CRIP2: variants seen among roughly 807,000 people sequenced by gnomAD.
The protein encoded by CRIP2 is cysteine rich protein 2.
A neutral mutation model predicts 31.3 loss-of-function variants in CRIP2; 31 were observed. The observed-to-expected ratio is 0.99, with a 90% CI of 0.74 to 1.34. CRIP2 has a LOEUF of 1.34. CRIP2 is among the 40% of genes most tolerant of loss of function. CRIP2 has a pLI of 0.00. For missense variants in CRIP2, 389 were observed against 301.6 expected, an observed-to-expected ratio of 1.29 and a Z score of -2.15; for synonymous variants, 177 against 127.2, an observed-to-expected ratio of 1.39 and a Z score of -2.63.
At chr14:105,476,240 C>G (rs1200441895) in intron 1 of CRIP2, 19 of 985,354 alleles carry the variant, frequency 1.9e-5, no homozygotes, top group Non-Finnish European at 2.2e-5. Context: ...AGGGTCTCGG[C>G]CAACAGTCCT....
intron 1 of CRIP2, chr14:105,477,109 G>C (rs948751263): frequency 1.1e-5 from 3 of 282,708 alleles, no homozygotes; most frequent in Non-Finnish European, 1.6e-5. Flanking sequence ...GGCCCAGCCT[G>C]CATGCTCCCT....
rs202088808 is a variant in CRIP2 at position 105,479,183 on chromosome 14, C to G, written c.465C>G (p.Arg155=). 4 of 1,611,556 alleles carry G rather than the reference C, an allele frequency of 2.5e-6. No homozygotes were observed. The highest frequency in any genetic ancestry group is 2.2e-5 in the East Asian group (1 of 44,824). The change falls in exon 6 of 8, where the codon CGC becomes CGG. Residue 155 remains arginine, a synonymous_variant. Transcript: ENST00000329146. The stretch of plus-strand genomic sequence containing the variant: ...ACCGGCCCTGCCTGCGCTGCGAGCG[C>G]TGCGGGAAGACACTGACCCCCGGCG... ...DWHRPCLRCE[R]CGKTLTPGGH...
chr14:105,479,444 C>T lies in CRIP2; in HGVS notation c.510C>T (p.Gly170=), dbSNP rs368608563. 47 of 1,612,714 alleles carry T rather than the reference C, an allele frequency of 2.9e-5. No homozygotes were observed. Among genetic ancestry groups the T allele is most frequent in the Non-Finnish European group, 3.9e-5 (46 of 1,179,976 alleles). The change falls in exon 7 of 8, where the codon GGC becomes GGT. Residue 170 remains glycine, a synonymous_variant. Transcript: ENST00000329146. The stretch of plus-strand genomic sequence containing the variant: ...CCCACCTTCTGCCCCAGCACGACGG[C>T]CAGCCCTACTGCCACAAGCCCTGCT... ...LTPGGHAEHD[G]QPYCHKPCYG... is the part of the protein sequence containing the mutation.
intron 6 of CRIP2, 21 bp downstream of exon 6, chr14:105,479,240 C>T (rs782160175): frequency 3.3e-6 from 5 of 1,521,656 alleles, no homozygotes; most frequent in Non-Finnish European, 3.6e-6. Flanking sequence ...TGCAACGGGG[C>T]TTGGGGGCCG....
rs587625819 is a variant in CRIP2, at chr14:105,478,775, C to A, written c.241C>A (p.Leu81Met). 16 of 1,432,286 alleles carry A rather than the reference C, an allele frequency of 1.1e-5. No homozygotes were observed. In the East Asian group the frequency reaches 3.6e-4, roughly 32 times the overall value. 88.7% of individuals were successfully genotyped at this position (1,432,286 alleles called of 1,614,324 possible). A position where few individuals can be genotyped will look rare whatever the true frequency, so the allele number is the denominator to read the frequency against. ...GGGCTCCTACATCTACGAGAAGCCCCTGGCGGAGGGGCCGCAGGTCACCGG... is the reference window on the plus strand; with the variant it reads ...GGGCTCCTACATCTACGAGAAGCCCATGGCGGAGGGGCCGCAGGTCACCGG... ...GAGSYIYEKPLAEGPQVTGPI... is the reference protein window; with the variant it reads ...GAGSYIYEKPMAEGPQVTGPI... Residue 81 changes from leucine to methionine, a missense_variant, in exon 4 of 8, where the codon CTG (leucine) becomes ATG (methionine). Transcript: ENST00000329146. This position sits in a 1 kb window ranked among gnomAD's most constrained non-coding sequence, Gnocchi z 4.9.
rs1353223502 is a variant in CRIP2 at position 105,476,153 on chromosome 14, C to T, written c.43+1248C>T. Reference sequence around the variant, plus strand: ...TCTCTGTAAGGCTTAGGGTGGGAGACGGTCCCCAGGGCCCTTCTGCAGTCC... The same window carrying T: ...TCTCTGTAAGGCTTAGGGTGGGAGATGGTCCCCAGGGCCCTTCTGCAGTCC... On this transcript the variant is annotated intron_variant, in intron 1 of 7. Coordinates refer to ENST00000329146, the MANE Select transcript of CRIP2 (RefSeq NM_001312.4). 8.1e-6 allele frequency: 8 copies of T among 985,320 alleles called. No homozygotes were observed. The South Asian group carries it at 1.9e-4, about 23-fold the overall frequency. 61.0% of individuals were successfully genotyped at this position (985,320 alleles called of 1,614,324 possible). A position where few individuals can be genotyped will look rare whatever the true frequency, so the allele number is the denominator to read the frequency against.
chr14:105,473,075 GA>G, upstream of CRIP2: 2 of 703,110 alleles, frequency 2.8e-6, no homozygotes, highest in African/African-American at 1.8e-5. Context: ...CAAAGTCAGG[GA>G]GGGTAATGGC....
chr14:105,478,943 C>G lies in CRIP2; in HGVS notation c.338-36C>G, dbSNP rs2084019357. The G allele has an allele frequency of 3.9e-6, 6 of 1,535,070 alleles. No individual in the cohort carries two copies. The highest frequency in any genetic ancestry group is 5.2e-6 in the Non-Finnish European group (6 of 1,145,958). ...CTGGGGCTGGGGGTTGTGGGCACCC[C>G]CGGCCCCGCCCCGCCCTGACTCGTG... On this transcript the variant is annotated intron_variant, in intron 4 of 7. Transcript: ENST00000329146. This position sits in a 1 kb window ranked among gnomAD's most constrained non-coding sequence, Gnocchi z 4.9.
intron 1 of CRIP2, chr14:105,476,143 G>C (rs782148549): frequency 3.0e-6 from 3 of 985,498 alleles, no homozygotes; most frequent in Non-Finnish European, 1.2e-6. Context: ...GTAAGGCTTA[G>C]GGTGGGAGAC....
chr14:105,475,990 A>T, intron 1 of CRIP2: 1 of 985,134 alleles, frequency 1.0e-6, no homozygotes. Flanking sequence ...GGTTGAGGGG[A>T]GGTTGTATTT....
At chr14:105,474,003 C>T (rs2083883381), upstream of CRIP2, 1 of 162,454 alleles carries the variant, frequency 6.2e-6, no homozygotes, top group African/African-American at 2.4e-5. The surrounding 1 kb of genome is among the most constrained non-coding windows in gnomAD (Gnocchi z 5.1). Context: ...TCCCCGGCCG[C>T]CCCCTGGGTG....
intron 5 of CRIP2, 29 bp downstream of exon 5, chr14:105,479,076 C>T: frequency 1.3e-6 from 2 of 1,570,268 alleles, no homozygotes; most frequent in Non-Finnish European, 1.7e-6. Flanking sequence ...CCCGGACCCC[C>T]GCCCCCGCCC....
chr14:105,476,776 G>A (rs911700892), intron 1 of CRIP2: 2 of 985,356 alleles, frequency 2.0e-6, no homozygotes, highest in South Asian at 4.7e-5. Flanking sequence ...GAGTGGTTCT[G>A]GTCAGAGGGC....
At position 105,478,577 on chromosome 14, in the gene CRIP2, G is replaced by T; in HGVS notation, c.196+70G>T. The T allele has an allele frequency of 6.4e-7, 1 of 1,551,178 alleles. No individual in the cohort carries two copies. Among genetic ancestry groups the T allele is most frequent in the Non-Finnish European group, 8.7e-7 (1 of 1,149,472 alleles). ...GGGCGTGGCGCTGGCGCTGGGGAGG[G>T]CTGGGGGTCCCGGCCGCCGTGGATC... On this transcript the variant is annotated intron_variant, in intron 3 of 7. Coordinates refer to ENST00000329146, the MANE Select transcript of CRIP2 (RefSeq NM_001312.4). This position sits in a 1 kb window ranked among gnomAD's most constrained non-coding sequence, Gnocchi z 4.9.
In CRIP2 at chr14:105,478,224, G is replaced by A. The variant is rs1567062172; in HGVS notation, c.44-42G>A. 1.4e-6 allele frequency: 2 copies of A among 1,428,890 alleles called. No individual in the cohort carries two copies. The highest frequency in any genetic ancestry group is 1.8e-6 in the Non-Finnish European group (2 of 1,085,674). The allele number at this position is 1,428,890 out of a possible 1,614,324, so 88.5% of individuals were successfully genotyped here. On this transcript the variant is annotated intron_variant, in intron 1 of 7. Transcript: ENST00000329146. This position sits in a 1 kb window ranked among gnomAD's most constrained non-coding sequence, Gnocchi z 4.9. ...CAGGTGGGGGCGGAGGGGGTGCGGGGCGCGCCCCGGCCCTGACCCCCCTGC... is the reference window on the plus strand; with the variant it reads ...CAGGTGGGGGCGGAGGGGGTGCGGGACGCGCCCCGGCCCTGACCCCCCTGC...
rs2084012374 is a variant in CRIP2, at chr14:105,478,764, A to T, written c.230A>T (p.Tyr77Phe). Residue 77 changes from tyrosine (Y) to phenylalanine (F), a missense_variant, in exon 4 of 8, where the codon TAC becomes TTC. Transcript: ENST00000329146. The surrounding 1 kb of genome is among the most constrained non-coding windows in gnomAD (Gnocchi z 4.9). ...VNIGGAGSYI[Y>F]EKPLAEGPQV... ...ATCGGGGGCGCGGGCTCCTACATCT[A>T]CGAGAAGCCCCTGGCGGAGGGGCCG... The T allele has an allele frequency of 1.4e-6, 2 of 1,429,212 alleles. No individual in the cohort carries two copies. The highest frequency in any genetic ancestry group is 5.2e-5 in the East Asian group (2 of 38,728). 88.5% of individuals were successfully genotyped at this position (1,429,212 alleles called of 1,614,324 possible).
At chr14:105,473,314 C>A, upstream of CRIP2, 1 of 638,428 alleles carries the variant, frequency 1.6e-6, no homozygotes, top group East Asian at 9.2e-5. Context: ...GCTGGTCAGG[C>A]TGGTCAGTCG....
chr14:105,473,209 T>C, upstream of CRIP2: 1 of 1,533,006 alleles, frequency 6.5e-7, no homozygotes, highest in Non-Finnish European at 8.7e-7. Context: ...CCCCTGGGCC[T>C]GCCAGGGAGG....
intron 6 of CRIP2, 61 bp from the exon 7 acceptor site, chr14:105,479,375 T>C: frequency 6.2e-7 from 1 of 1,607,026 alleles, no homozygotes; most frequent in Non-Finnish European, 8.5e-7. Flanking sequence ...TCTGGAAGCC[T>C]CCAGGTGATG....
Sources: allele counts gnomAD v4.1 joint callset, GRCh38; gene constraint gnomAD v4.1.1; non-coding constraint Gnocchi (gnomAD v3.1); transcripts MANE v1.5; gene names NCBI Gene and HGNC (gene_info 2026-07-23, HGNC 2026-07-21).